Variants in ELK3 observed in about 807,000 individuals in gnomAD.
ELK3 encodes the protein ETS transcription factor ELK3, also known as ETS domain-containing protein Elk-3.
ELK3 carries 10 observed loss-of-function variants against 28.9 expected under a neutral mutation model. The ratio of observed to expected loss-of-function variants is 0.35; its 90% CI spans 0.21 to 0.59. The LOEUF (loss-of-function observed/expected upper bound fraction) is 0.59. Ranked by LOEUF, ELK3 falls within the 20% of genes least tolerant of loss-of-function variation. The probability of loss-of-function intolerance (pLI) is 0.82; values close to 1 mark genes in which losing one functional copy is unlikely to be tolerated. For missense variants in ELK3, 463 were observed against 517.3 expected, an observed-to-expected ratio of 0.90 and a Z score of 1.02; for synonymous variants, 272 against 243.5, an observed-to-expected ratio of 1.12 and a Z score of -1.09.
In ELK3 at chr12:96,247,724, T is replaced by A; in HGVS notation, c.992T>A (p.Phe331Tyr). Residue 331 changes from phenylalanine to tyrosine, a missense_variant, in exon 3 of 5, where the codon TTC (phenylalanine) becomes TAC (tyrosine). Phe to Tyr is a conservative substitution (Grantham distance 22). This residue lies in a region of ELK3 where 408 missense variants were observed against 414.8 expected (regional missense o/e 0.98). Transcript: ENST00000228741. The surrounding 1 kb of genome is among the most constrained non-coding windows in gnomAD (Gnocchi z 5.5). ...LPSGSLTPAFFTAQTPNGLLL... is the reference protein window; with the variant it reads ...LPSGSLTPAFYTAQTPNGLLL... The stretch of plus-strand genomic sequence containing the variant: ...TCGGGATCCCTCACCCCAGCCTTCT[T>A]CACCGCACAGGTAAGAGTCATTCCT... 1.3e-6 allele frequency: 2 copies of A among 1,579,638 alleles called. No individual in the cohort carries two copies. The highest frequency in any genetic ancestry group is 1.7e-6 in the Non-Finnish European group (2 of 1,163,838).
intron 1 of ELK3, among the ~76,000 whole-genome samples, chr12:96,207,333 A>G (rs1192098998): frequency 6.6e-6 from 1 of 152,238 alleles, no homozygotes; most frequent in Non-Finnish European, 1.5e-5. Context: ...AGACATAGGC[A>G]TGTGGGGAGG....
At chr12:96,260,644 G>A (rs1247555041) in intron 4 of ELK3, among the ~76,000 whole-genome samples, 1 of 152,168 alleles carries the variant, frequency 6.6e-6, no homozygotes, top group African/African-American at 2.4e-5. Context: ...TCCTCCTTGA[G>A]ACCCATAGAT....
chr12:96,241,497 TTA>T (rs1414224826), intron 2 of ELK3, among the ~76,000 whole-genome samples: 2 of 151,952 alleles, frequency 1.3e-5, no homozygotes, highest in African/African-American at 4.8e-5. Flanking sequence ...ATACCTTTTC[TTA>T]TAGGTAGGTA....
At chr12:96,218,346 A>T (rs1951635547) in intron 1 of ELK3, among the ~76,000 whole-genome samples, 1 of 152,254 alleles carries the variant, frequency 6.6e-6, no homozygotes, top group African/African-American at 2.4e-5. Flanking sequence ...GATGGGCCTC[A>T]GTATGAAAGC....
chr12:96,256,831 C>T (rs983678625), intron 3 of ELK3, among the ~76,000 whole-genome samples: 4 of 152,226 alleles, frequency 2.6e-5, no homozygotes, highest in African/African-American at 7.2e-5. Flanking sequence ...GAGGAGGCAG[C>T]GGGCCGGGGC....
At chr12:96,240,508 G>A (rs1951813462) in intron 2 of ELK3, among the ~76,000 whole-genome samples, 1 of 152,176 alleles carries the variant, frequency 6.6e-6, no homozygotes, top group Non-Finnish European at 1.5e-5. Flanking sequence ...TTGAACTCAG[G>A]CAGTGACTCT....
rs1952047285 is a variant in ELK3 at position 96,267,675 on chromosome 12, T to G, written c.*495T>G. On this transcript the variant is annotated 3_prime_UTR_variant, in exon 5 of 5. Transcript: ENST00000228741. ...ACAGCTCTCTAGTAGAATTTCATTA[T>G]TTTTCACCAGTGGGCAATATGAAAG... is the stretch of plus-strand genomic sequence containing the variant. The G allele has an allele frequency of 6.5e-6, 1 of 152,738 alleles. No homozygotes were observed. The highest frequency in any genetic ancestry group is 6.5e-5 in the Admixed American group (1 of 15,290). The allele number at this position is 152,738 out of a possible 1,614,324, so 9.5% of individuals were successfully genotyped here.
chr12:96,226,973 G>A (rs995340545), intron 2 of ELK3, among the ~76,000 whole-genome samples: 1 of 152,180 alleles, frequency 6.6e-6, no homozygotes, highest in South Asian at 2.1e-4. Flanking sequence ...TCTTCCTTCC[G>A]TTTTGCCAGT....
At chr12:96,195,207 C>G (rs928598096) in intron 1 of ELK3, among the ~76,000 whole-genome samples, 2 of 152,030 alleles carry the variant, frequency 1.3e-5, no homozygotes, top group Non-Finnish European at 1.5e-5. Context: ...GCAAAGTGCA[C>G]TGGTGCTCGG....
At chr12:96,214,911 A>G (rs1951600407) in intron 1 of ELK3, among the ~76,000 whole-genome samples, 1 of 152,248 alleles carries the variant, frequency 6.6e-6, no homozygotes, top group South Asian at 2.1e-4. Context: ...TAGTATCATG[A>G]CATGGAAATG....
chr12:96,263,083 T>G (rs1952005802), intron 4 of ELK3, among the ~76,000 whole-genome samples: 1 of 152,246 alleles, frequency 6.6e-6, no homozygotes, highest in Non-Finnish European at 1.5e-5. Flanking sequence ...CTGGCAAGTT[T>G]CCTATTACCA....
Position 96,267,437 on chromosome 12 carries a change from G to T in ELK3, c.*257G>T, listed in dbSNP as rs1952043926. The stretch of plus-strand genomic sequence containing the variant: ...TATATCCTTTTAGCTCTTAAGTGTT[G>T]AACACTGTTGACAGTGAAGAACTTT... On this transcript the variant is annotated 3_prime_UTR_variant, in exon 5 of 5. Transcript: ENST00000228741. 1 of 332,284 alleles carries T rather than the reference G, an allele frequency of 3.0e-6. No individual in the cohort carries two copies. Among genetic ancestry groups the T allele is most frequent in the Non-Finnish European group, 5.6e-6 (1 of 177,730 alleles). The allele number at this position is 332,284 out of a possible 1,614,324, so 20.6% of individuals were successfully genotyped here. A position where few individuals can be genotyped will look rare whatever the true frequency, so the allele number is the denominator to read the frequency against.
intron 2 of ELK3, among the ~76,000 whole-genome samples, chr12:96,231,859 A>AGCCATCCC (rs1380109102): frequency 2.6e-5 from 4 of 152,116 alleles, no homozygotes; most frequent in African/African-American, 9.7e-5. Context: ...TCAGCCATCC[A>AGCCATCCC]GCCATCCCTT....
At chr12:96,266,988 A>G (rs1303376461) in intron 4 of ELK3, 94 bp from the exon 5 acceptor site, 3 of 943,912 alleles carry the variant, frequency 3.2e-6, no homozygotes, top group African/African-American at 1.7e-5. Flanking sequence ...GATGAGAGAA[A>G]TGGACTGCTA....
At chr12:96,203,797 C>T (rs763551880) in intron 1 of ELK3, among the ~76,000 whole-genome samples, 12 of 152,102 alleles carry the variant, frequency 7.9e-5, no homozygotes, top group Non-Finnish European at 4.4e-5. Context: ...AAAAATTAGC[C>T]GAGTGTGGTG....
At chr12:96,215,588 TTAAA>T (rs1388520071) in intron 1 of ELK3, among the ~76,000 whole-genome samples, 2 of 151,734 alleles carry the variant, frequency 1.3e-5, no homozygotes, top group Non-Finnish European at 1.5e-5. Flanking sequence ...TGAATCAAAG[TTAAA>T]TAAAAACATG....
chr12:96,268,803 T>C lies in ELK3; in HGVS notation c.*1623T>C, dbSNP rs1952062480. 1 of 152,214 alleles carries C rather than the reference T, an allele frequency of 6.6e-6. No homozygotes were observed. Among genetic ancestry groups the C allele is most frequent in the South Asian group, 2.1e-4 (1 of 4,826 alleles). 9.4% of individuals were successfully genotyped at this position (152,214 alleles called of 1,614,324 possible). On this transcript the variant is annotated 3_prime_UTR_variant, in exon 5 of 5. Transcript: ENST00000228741. ...AATTCTGAGGTTTTTCAATTGGAAT[T>C]GAGCATCTCTGTATGTGGGGATGTG...
intron 1 of ELK3, among the ~76,000 whole-genome samples, chr12:96,196,866 CTT>C (rs1229696043): frequency 6.7e-6 from 1 of 149,540 alleles, no homozygotes; most frequent in Non-Finnish European, 1.5e-5. Flanking sequence ...AGACATGTTG[CTT>C]TTAAGGTGTT....
chr12:96,195,438 C>T (rs908119232), intron 1 of ELK3, among the ~76,000 whole-genome samples: 1 of 152,186 alleles, frequency 6.6e-6, no homozygotes, highest in Admixed American at 6.5e-5. Flanking sequence ...TTCCACTCCC[C>T]ATCCCTGTTT....
Sources: allele counts gnomAD v4.1 joint callset (sites outside exome capture counted in the v4.1 genomes callset), GRCh38; gene constraint gnomAD v4.1.1; regional missense constraint gnomAD v4.1.1; non-coding constraint Gnocchi (gnomAD v3.1); transcripts MANE v1.5; gene names NCBI Gene and HGNC (gene_info 2026-07-23, HGNC 2026-07-21).